The following CLSTN2 variants were observed in gnomAD, a reference collection of about 807,000 sequenced individuals.
The protein encoded by CLSTN2 is calsyntenin 2, also known as calsyntenin-2.
In CLSTN2, 48 loss-of-function variants were observed where a neutral mutation model predicts 101.2. The observed-to-expected ratio is 0.47, with a 90% CI of 0.38 to 0.60. CLSTN2 has a LOEUF of 0.60. Among genes scored for constraint, CLSTN2 ranks in the 20% least tolerant of loss-of-function variants. The pLI, the probability that CLSTN2 is intolerant of heterozygous loss-of-function variation, is 0.00. For missense variants in CLSTN2, 1,160 were observed against 1,238.2 expected (o/e 0.94, Z 0.95); for synonymous variants, 481 against 463.6 (o/e 1.04, Z -0.48).
At chr3:140,459,083 T>C (rs780604741) in intron 6 of CLSTN2, among the ~76,000 whole-genome samples, 13 of 152,162 alleles carry the variant, frequency 8.5e-5, no homozygotes, top group Non-Finnish European at 1.5e-4. Flanking sequence ...CTCACCTTCA[T>C]AGAGCCAGCA....
chr3:139,976,773 A>G (rs1935826059), intron 1 of CLSTN2, among the ~76,000 whole-genome samples: 1 of 152,108 alleles, frequency 6.6e-6, no homozygotes, highest in African/African-American at 2.4e-5. Flanking sequence ...GGTGTGAAAC[A>G]CGCTGAGGGG....
intron 1 of CLSTN2, among the ~76,000 whole-genome samples, chr3:139,959,613 G>A (rs1935468592): frequency 6.6e-6 from 1 of 152,042 alleles, no homozygotes; most frequent in African/African-American, 2.4e-5. Flanking sequence ...TCTCCTGGGT[G>A]ATCACCCCTT....
intron 8 of CLSTN2, among the ~76,000 whole-genome samples, chr3:140,474,026 G>A (rs1294348013): frequency 2.0e-5 from 3 of 151,938 alleles, no homozygotes; most frequent in Non-Finnish European, 2.9e-5. Context: ...CACCTGCTTC[G>A]GCCTCCCAAA....
At chr3:140,205,771 C>T (rs771303313) in intron 2 of CLSTN2, among the ~76,000 whole-genome samples, 3 of 152,242 alleles carry the variant, frequency 2.0e-5, no homozygotes, top group Middle Eastern at 6.8e-3. Flanking sequence ...CACCAAAGGG[C>T]GATAAGGCAG....
intron 3 of CLSTN2, 106 bp downstream of exon 3, chr3:140,403,930 T>G (rs1428764034): frequency 1.0e-6 from 1 of 969,096 alleles, no homozygotes. Flanking sequence ...CACACAATGG[T>G]GCTCCAACTT....
chr3:140,048,004 A>G (rs1246882290), intron 1 of CLSTN2, among the ~76,000 whole-genome samples: 3 of 152,128 alleles, frequency 2.0e-5, no homozygotes, highest in Non-Finnish European at 4.4e-5. Flanking sequence ...AAATAAATGC[A>G]TGGCTATTAA....
chr3:140,464,887 A>G (rs1933649453), intron 7 of CLSTN2, among the ~76,000 whole-genome samples: 3 of 152,154 alleles, frequency 2.0e-5, no homozygotes, highest in African/African-American at 4.8e-5. Flanking sequence ...GACCCTGACC[A>G]TTCTCCTTCC....
At chr3:140,112,438 C>G (rs556867235) in intron 1 of CLSTN2, among the ~76,000 whole-genome samples, 28 of 152,136 alleles carry the variant, frequency 1.8e-4, no homozygotes, top group Non-Finnish European at 2.9e-4. Flanking sequence ...ATTTTTAAAG[C>G]CCATAATAAT....
intron 1 of CLSTN2, among the ~76,000 whole-genome samples, chr3:139,962,194 A>C (rs111325037): frequency 8.6e-4 from 131 of 152,316 alleles, no homozygotes; most frequent in African/African-American, 2.9e-3. Flanking sequence ...CATATCACCA[A>C]ACTGCTTTTC....
At position 139,935,194 on chromosome 3, in the gene CLSTN2, G is replaced by T. The variant is rs1156911750; in HGVS notation, c.-181G>T. ...GCTCCGGGTCCGCGCCAGTGAGCGCGGCTGCTGCCGGCGAGCTAGCGGCGC... is the reference window on the plus strand; with the variant it reads ...GCTCCGGGTCCGCGCCAGTGAGCGCTGCTGCTGCCGGCGAGCTAGCGGCGC... On this transcript the variant is annotated 5_prime_UTR_variant, in exon 1 of 17. Transcript: ENST00000458420. This position sits in a 1 kb window ranked among gnomAD's most constrained non-coding sequence, Gnocchi z 5.5. 3 of 327,228 alleles carry T rather than the reference G, an allele frequency of 9.2e-6. No individual in the cohort carries two copies. Among genetic ancestry groups the T allele is most frequent in the Non-Finnish European group, 5.5e-6 (1 of 181,366 alleles). The allele number at this position is 327,228 out of a possible 1,614,324, so 20.3% of individuals were successfully genotyped here.
In CLSTN2 at chr3:140,377,453, A is replaced by C. The variant is rs542027019; in HGVS notation, c.233-26176A>C. On this transcript the variant is annotated intron_variant, in intron 2 of 16. Transcript: ENST00000458420. ...TGTTGTCCTAGGAGATGAGAGCTCC[A>C]TGCATGTTATTTACCCTGAAGAACT... is the stretch of plus-strand genomic sequence containing the variant. Among the ~76,000 whole-genome samples the C allele has an allele frequency of 3.3e-5, 5 of 152,336 alleles. No homozygotes were observed. In the South Asian group the frequency reaches 1.0e-3, roughly 32 times the overall value.
intron 8 of CLSTN2, among the ~76,000 whole-genome samples, chr3:140,485,223 C>T (rs971722860): frequency 6.6e-6 from 1 of 152,206 alleles, no homozygotes; most frequent in Non-Finnish European, 1.5e-5. Flanking sequence ...GAGGTCCACT[C>T]CAGACCCTGT....
At chr3:140,433,711 G>A (rs2088660544) in intron 5 of CLSTN2, among the ~76,000 whole-genome samples, 1 of 152,332 alleles carries the variant, frequency 6.6e-6, no homozygotes, top group Non-Finnish European at 1.5e-5. Flanking sequence ...ACCTATCGCA[G>A]AGGGTTGTCA....
At chr3:140,533,585 C>T (rs1234191619) in intron 9 of CLSTN2, among the ~76,000 whole-genome samples, 1 of 151,814 alleles carries the variant, frequency 6.6e-6, no homozygotes, top group Non-Finnish European at 1.5e-5. Flanking sequence ...GTGGCGGGTG[C>T]TTGTAGTCCC....
chr3:140,225,916 T>TA (rs1221169899), intron 2 of CLSTN2, among the ~76,000 whole-genome samples: 105 of 151,566 alleles, frequency 6.9e-4, no homozygotes, highest in African/African-American at 2.5e-3. Flanking sequence ...TTGATTTTTT[T>TA]TAAAAAAAAA....
At chr3:140,448,146 G>T (rs1015713386) in intron 5 of CLSTN2, among the ~76,000 whole-genome samples, 1 of 152,162 alleles carries the variant, frequency 6.6e-6, no homozygotes, top group Non-Finnish European at 1.5e-5. Flanking sequence ...AACTGCAGGC[G>T]TGGACGGGTG....
At chr3:140,346,866 A>T (rs1414027323) in intron 2 of CLSTN2, among the ~76,000 whole-genome samples, 1 of 152,174 alleles carries the variant, frequency 6.6e-6, no homozygotes, top group African/African-American at 2.4e-5. Flanking sequence ...AATGGTTAAT[A>T]TTGGGAACTT....
chr3:140,363,607 G>A (rs376870688), intron 2 of CLSTN2, among the ~76,000 whole-genome samples: 3,567 of 61,768 alleles, frequency 0.058, 128 homozygotes, highest in African/African-American at 0.12. Flanking sequence ...GAGGGACCCG[G>A]TAGGCACTTA....
At chr3:139,970,219 G>A (rs977935736) in intron 1 of CLSTN2, among the ~76,000 whole-genome samples, 1 of 152,106 alleles carries the variant, frequency 6.6e-6, no homozygotes, top group East Asian at 1.9e-4. Flanking sequence ...GAGCCACTTG[G>A]CTAACCTGCC....
Sources: gnomAD v4.1 joint callset for allele counts (sites outside exome capture counted in the v4.1 genomes callset) on GRCh38, gnomAD v4.1.1 for gene constraint, Gnocchi (gnomAD v3.1) non-coding constraint, MANE v1.5 for transcripts, NCBI Gene and HGNC (gene_info 2026-07-23, HGNC 2026-07-21) for gene names.